PRTFDC1: variants seen among roughly 807,000 people sequenced by gnomAD.
PRTFDC1 encodes phosphoribosyl transferase domain containing 1, also known as phosphoribosyltransferase domain-containing protein 1.
PRTFDC1 carries 38 observed loss-of-function variants against 34.6 expected under a neutral mutation model. That is an observed-to-expected ratio of 1.10 (90% CI 0.85 to 1.44). The LOEUF is 1.44. Ranked by LOEUF, PRTFDC1 falls within the 40% of genes most tolerant of loss-of-function variation. PRTFDC1 has a pLI of 0.00. For synonymous variants in PRTFDC1, 93 were observed against 98.1 expected (o/e 0.95, Z 0.31); for missense variants, 270 against 283.0 (o/e 0.95, Z 0.33).
Position 24,930,076 on chromosome 10 carries a change from A to AAC in PRTFDC1, c.339+7106_339+7107dup, listed in dbSNP as rs113296319. On this transcript the variant is annotated intron_variant, in intron 3 of 8. Coordinates refer to ENST00000320152, the MANE Select transcript of PRTFDC1 (RefSeq NM_020200.7). ...CTCTAAACACATGTACACACACACA[A>AAC]ACACACACACACACACACAATCGGG... Among the ~76,000 whole-genome samples, 1,346 of 150,184 alleles carry AAC rather than the reference A, an allele frequency of 9.0e-3. 20 individuals carry two copies. Among genetic ancestry groups the AAC allele is most frequent in the African/African-American group, 0.03 (1,247 of 41,058 alleles).
At chr10:24,920,786 A>G (rs1164066738) in intron 3 of PRTFDC1, among the ~76,000 whole-genome samples, 1 of 152,182 alleles carries the variant, frequency 6.6e-6, no homozygotes, top group African/African-American at 2.4e-5. Context: ...AAAAATAACT[A>G]TCCCTGAAAA....
chr10:24,942,625 T>C (rs374505283), intron 1 of PRTFDC1, among the ~76,000 whole-genome samples, 189 bp from the exon 2 acceptor site: 3 of 152,166 alleles, frequency 2.0e-5, no homozygotes, highest in Admixed American at 6.6e-5. Context: ...TTCCCAACTA[T>C]TGGCATCATA....
Position 24,952,489 on chromosome 10 carries a change from G to C in PRTFDC1, c.48+39C>G. On this transcript the variant is annotated intron_variant, in intron 1 of 8. Transcript: ENST00000320152. This position sits in a 1 kb window ranked among gnomAD's most constrained non-coding sequence, Gnocchi z 5.1. ...ACAAGCAGGGTGCCAGGGAGGGAGG[G>C]GAGCGGGCCGAGCCCCAAAATAGGG... 1 of 1,559,064 alleles carries C rather than the reference G, an allele frequency of 6.4e-7. No homozygotes were observed. The highest frequency in any genetic ancestry group is 8.7e-7 in the Non-Finnish European group (1 of 1,149,086).
intron 4 of PRTFDC1, among the ~76,000 whole-genome samples, chr10:24,858,819 G>A (rs1290618343): frequency 6.6e-6 from 1 of 152,160 alleles, no homozygotes; most frequent in African/African-American, 2.4e-5. Flanking sequence ...TGCATCATGG[G>A]TTCAGCTGTG....
In PRTFDC1 at chr10:24,936,275, T is replaced by A. The variant is rs185803380; in HGVS notation, c.339+909A>T. ...ATCATAGAGGGAGGAGGAGGGAGAC[T>A]AAGGAAACAACAGCTTTTTTTTTTT... On this transcript the variant is annotated intron_variant, in intron 3 of 8. Coordinates refer to ENST00000320152, the MANE Select transcript of PRTFDC1 (RefSeq NM_020200.7). Among the ~76,000 whole-genome samples the A allele has an allele frequency of 6.1e-4, 92 of 152,042 alleles. 1 individual carries two copies. Among genetic ancestry groups the A allele is most frequent in the African/African-American group, 2.2e-3 (91 of 41,496 alleles).
At chr10:24,892,556 T>C (rs12245984) in intron 3 of PRTFDC1, among the ~76,000 whole-genome samples, 5,012 of 152,126 alleles carry the variant, frequency 0.033, 252 homozygotes, top group African/African-American at 0.11. Context: ...ACATTCTTCA[T>C]AGAAACAGAA....
chr10:24,870,647 C>T (rs964338914), intron 4 of PRTFDC1, among the ~76,000 whole-genome samples: 4 of 152,108 alleles, frequency 2.6e-5, no homozygotes, highest in African/African-American at 4.8e-5. Flanking sequence ...TTGTTTTATG[C>T]ACCAATGTAA....
Position 24,889,759 on chromosome 10 carries a change from T to C in PRTFDC1, c.340-17696A>G, listed in dbSNP as rs537856693. On this transcript the variant is annotated intron_variant, in intron 3 of 8. Transcript: ENST00000320152. ...TTCCATTTTTCAGAATAAGAAAAGA[T>C]GGCTTATTTGATGTAGGCATGTTGA... Among the ~76,000 whole-genome samples, 4 of 152,206 alleles carry C rather than the reference T, an allele frequency of 2.6e-5. No homozygotes were observed. In the South Asian group the frequency reaches 8.3e-4, roughly 32 times the overall value.
At chr10:24,907,292 A>G (rs1288253141) in intron 3 of PRTFDC1, among the ~76,000 whole-genome samples, 2 of 152,184 alleles carry the variant, frequency 1.3e-5, no homozygotes, top group Non-Finnish European at 2.9e-5. Flanking sequence ...GAATTTCTGT[A>G]GAATAAAAGT....
intron 1 of PRTFDC1, among the ~76,000 whole-genome samples, 153 bp from the exon 2 acceptor site, chr10:24,942,589 A>G (rs1849180790): frequency 1.3e-5 from 2 of 152,252 alleles, no homozygotes; most frequent in Non-Finnish European, 2.9e-5. Context: ...TACAAGGCGC[A>G]GTACTAAAGT....
chr10:24,923,902 T>G (rs1040652653), intron 3 of PRTFDC1, among the ~76,000 whole-genome samples: 14 of 152,066 alleles, frequency 9.2e-5, no homozygotes, highest in African/African-American at 3.4e-4. Context: ...CTAAAAACCT[T>G]GAAAAAAGGT....
chr10:24,890,947 G>T (rs1464502948), intron 3 of PRTFDC1, among the ~76,000 whole-genome samples: 1 of 152,200 alleles, frequency 6.6e-6, no homozygotes, highest in Non-Finnish European at 1.5e-5. Flanking sequence ...ATTGGCGGAG[G>T]AGGTGGCAGA....
chr10:24,864,569 G>GT (rs1371672977), intron 4 of PRTFDC1, among the ~76,000 whole-genome samples: 5 of 152,234 alleles, frequency 3.3e-5, no homozygotes, highest in East Asian at 3.9e-4. Flanking sequence ...CATTAGCATT[G>GT]TTTTTTAGCA....
chr10:24,876,550 C>T (rs1177006907), intron 3 of PRTFDC1, among the ~76,000 whole-genome samples: 1 of 151,632 alleles, frequency 6.6e-6, no homozygotes, highest in African/African-American at 2.4e-5. Context: ...AAAAATTAGC[C>T]AGGTATGTTG....
chr10:24,926,926 A>T (rs987363388), intron 3 of PRTFDC1, among the ~76,000 whole-genome samples: 4 of 152,204 alleles, frequency 2.6e-5, no homozygotes, highest in African/African-American at 9.6e-5. Context: ...GGAAAAACAA[A>T]CTCTAATGAG....
Position 24,862,499 on chromosome 10 carries a change from C to T in PRTFDC1, c.406-4090G>A, listed in dbSNP as rs541783292. On this transcript the variant is annotated intron_variant, in intron 4 of 8. Coordinates refer to ENST00000320152, the MANE Select transcript of PRTFDC1 (RefSeq NM_020200.7). ...AAGTGATTCTACTGCCTCAGCCTCC[C>T]GAGTAGCTGGGATTACAAGTGTGCA... is the stretch of plus-strand genomic sequence containing the variant. Among the ~76,000 whole-genome samples the T allele has an allele frequency of 1.9e-3, 291 of 152,086 alleles. 2 individuals are homozygous for T. Among genetic ancestry groups the T allele is most frequent in the Non-Finnish European group, 3.1e-3 (214 of 67,988 alleles).
chr10:24,850,626 G>T (rs576249276), intron 8 of PRTFDC1, among the ~76,000 whole-genome samples: 2 of 152,214 alleles, frequency 1.3e-5, no homozygotes, highest in South Asian at 2.1e-4. Context: ...TGTGGAGTGA[G>T]ACCCTGTGTC....
intron 3 of PRTFDC1, among the ~76,000 whole-genome samples, chr10:24,893,058 C>T (rs1414790171): frequency 3.3e-5 from 5 of 152,110 alleles, no homozygotes; most frequent in African/African-American, 1.2e-4. Flanking sequence ...TGTAATAGCA[C>T]ACCTGACTGA....
At chr10:24,906,756 G>A (rs1848542081) in intron 3 of PRTFDC1, among the ~76,000 whole-genome samples, 1 of 152,212 alleles carries the variant, frequency 6.6e-6, no homozygotes. Context: ...AAGCCCATGT[G>A]TAGGTTTTCC....
Sources: allele counts gnomAD v4.1 joint callset (sites outside exome capture counted in the v4.1 genomes callset), GRCh38; gene constraint gnomAD v4.1.1; non-coding constraint Gnocchi (gnomAD v3.1); transcripts MANE v1.5; gene names NCBI Gene and HGNC (gene_info 2026-07-23, HGNC 2026-07-21).